VPS13B: variants seen among roughly 807,000 people sequenced by gnomAD.
VPS13B encodes the protein intermembrane lipid transfer protein VPS13B.
Under a neutral mutation model 426.4 loss-of-function variants are expected in VPS13B, and 285 were observed. The observed-to-expected ratio is 0.67, with a 90% CI of 0.61 to 0.74. The LOEUF (loss-of-function observed/expected upper bound fraction) is 0.74. Ranked by LOEUF, VPS13B falls within the 30% of genes least tolerant of loss-of-function variation. VPS13B has a pLI of 0.00. For missense variants in VPS13B, 4,537 were observed against 4,782.6 expected, an observed-to-expected ratio of 0.95 and a Z score of 1.51; for synonymous variants, 1,676 against 1,676.4, an observed-to-expected ratio of 1.00 and a Z score of 0.01.
chr8:99,876,513 A>G lies in VPS13B; in HGVS notation c.*847A>G, dbSNP rs1317218650. ...GGTGAGTTTCTCTAGTTCCATAAAC[A>G]AAACATACATAGTGGGAACTCCCTG... On this transcript the variant is annotated 3_prime_UTR_variant, in exon 62 of 62. Transcript: ENST00000357162. The G allele has an allele frequency of 6.6e-6, 1 of 152,270 alleles. No homozygotes were observed. The highest frequency in any genetic ancestry group is 1.9e-4 in the East Asian group (1 of 5,204). 9.4% of individuals were successfully genotyped at this position (152,270 alleles called of 1,614,324 possible). A position where few individuals can be genotyped will look rare whatever the true frequency, so the allele number is the denominator to read the frequency against.
At chr8:99,095,576 A>G (rs1846373450) in intron 3 of VPS13B, among the ~76,000 whole-genome samples, 1 of 152,334 alleles carries the variant, frequency 6.6e-6, no homozygotes. Flanking sequence ...CATGTGTTCG[A>G]TAGATTCTGA....
At chr8:99,697,744 C>G (rs1035324668) in intron 35 of VPS13B, 1 of 624,062 alleles carries the variant, frequency 1.6e-6, no homozygotes, top group Non-Finnish European at 3.0e-6. Context: ...AGGGCGCGCC[C>G]GTAGGGGAGA....
At chr8:99,600,421 C>T (rs1049592168) in intron 33 of VPS13B, among the ~76,000 whole-genome samples, 1 of 152,042 alleles carries the variant, frequency 6.6e-6, no homozygotes, top group African/African-American at 2.4e-5. Flanking sequence ...TGTGGGTGTT[C>T]TTAGGGTCAG....
At chr8:99,184,270 A>G (rs1813096682) in intron 16 of VPS13B, among the ~76,000 whole-genome samples, 1 of 152,164 alleles carries the variant, frequency 6.6e-6, no homozygotes, top group South Asian at 2.1e-4. Context: ...TAGTAAATTT[A>G]TGTTTAACTT....
rs1817743835 is a variant in VPS13B at position 99,877,440 on chromosome 8, A to C, written c.*1774A>C. Reference sequence around the variant, plus strand: ...TGTCCTTGAATTACTGACCACCCATAGATGTCTACTGTTACCAGGTTTTAC... The same window carrying C: ...TGTCCTTGAATTACTGACCACCCATCGATGTCTACTGTTACCAGGTTTTAC... On this transcript the variant is annotated 3_prime_UTR_variant, in exon 62 of 62. Coordinates refer to ENST00000357162, the MANE Select transcript of VPS13B (RefSeq NM_152564.5). 2 of 152,640 alleles carry C rather than the reference A, an allele frequency of 1.3e-5. No homozygotes were observed. The highest frequency in any genetic ancestry group is 4.8e-5 in the African/African-American group (2 of 41,446). 9.5% of individuals were successfully genotyped at this position (152,640 alleles called of 1,614,324 possible).
chr8:99,388,047 C>T (rs1036406850), intron 20 of VPS13B, among the ~76,000 whole-genome samples: 1 of 152,140 alleles, frequency 6.6e-6, no homozygotes, highest in Non-Finnish European at 1.5e-5. Flanking sequence ...CAGGATATAA[C>T]ATTTATTAAA....
At chr8:99,408,213 T>C (rs1815435741) in intron 21 of VPS13B, among the ~76,000 whole-genome samples, 1 of 152,182 alleles carries the variant, frequency 6.6e-6, no homozygotes, top group South Asian at 2.1e-4. Flanking sequence ...CTTTTTTGGC[T>C]ATTTTACCAA....
intron 16 of VPS13B, among the ~76,000 whole-genome samples, chr8:99,188,097 A>G (rs1029160755): frequency 8.5e-5 from 9 of 106,258 alleles, no homozygotes; most frequent in African/African-American, 1.7e-4. Flanking sequence ...TTGGTATTTG[A>G]ATCAGTTTTG....
chr8:99,275,948 G>A (rs1818872293), intron 19 of VPS13B, among the ~76,000 whole-genome samples: 1 of 152,152 alleles, frequency 6.6e-6, no homozygotes, highest in Non-Finnish European at 1.5e-5. Context: ...ATAGACATTT[G>A]TTTTAAAAGA....
At chr8:99,410,710 C>G (rs576337211) in intron 21 of VPS13B, among the ~76,000 whole-genome samples, 13 of 152,194 alleles carry the variant, frequency 8.5e-5, no homozygotes, top group South Asian at 2.1e-4. Context: ...TTATCCCTCC[C>G]CTAGCCTCCC....
intron 4 of VPS13B, 72 bp from the exon 5 acceptor site, chr8:99,102,881 A>G: frequency 7.2e-7 from 1 of 1,390,234 alleles, no homozygotes; most frequent in Non-Finnish European, 1.0e-6. Context: ...CATTAAGTTC[A>G]ATAACACTTT....
intron 3 of VPS13B, among the ~76,000 whole-genome samples, chr8:99,038,844 G>A (rs1027489567): frequency 2.0e-5 from 3 of 151,466 alleles, no homozygotes; most frequent in Non-Finnish European, 2.9e-5. Flanking sequence ...GCGCCACCAC[G>A]CCCAGCTAAT....
At chr8:99,765,141 G>A (rs1397765342) in intron 39 of VPS13B, among the ~76,000 whole-genome samples, 2 of 152,150 alleles carry the variant, frequency 1.3e-5, no homozygotes, top group Non-Finnish European at 2.9e-5. Context: ...AGCTACTCGG[G>A]AAGCTGAGGT....
chr8:99,473,349 G>A (rs1819514142), intron 24 of VPS13B, among the ~76,000 whole-genome samples: 1 of 151,966 alleles, frequency 6.6e-6, no homozygotes, highest in African/African-American at 2.4e-5. Context: ...AAAAATGCAA[G>A]TTTGGTTTAA....
At chr8:99,664,950 C>G (rs1304986214) in intron 35 of VPS13B, among the ~76,000 whole-genome samples, 1 of 152,156 alleles carries the variant, frequency 6.6e-6, no homozygotes, top group African/African-American at 2.4e-5. Flanking sequence ...TAAAACTGTT[C>G]CTATTTCTCC....
At chr8:99,408,800 T>C (rs573843594) in intron 21 of VPS13B, among the ~76,000 whole-genome samples, 1 of 152,156 alleles carries the variant, frequency 6.6e-6, no homozygotes, top group Admixed American at 6.6e-5. Flanking sequence ...ATGCCAGCAT[T>C]TTGTGGTCTG....
chr8:99,440,196 A>G (rs557554472), intron 22 of VPS13B, among the ~76,000 whole-genome samples: 30 of 152,266 alleles, frequency 2.0e-4, no homozygotes, highest in African/African-American at 6.0e-4. Context: ...TGCCATGGAA[A>G]AATGAAGTAA....
At chr8:99,416,856 C>G (rs1163579415) in intron 21 of VPS13B, among the ~76,000 whole-genome samples, 3 of 152,186 alleles carry the variant, frequency 2.0e-5, no homozygotes, top group Admixed American at 6.5e-5. Context: ...CTGTGCTGTT[C>G]CTATTCGGCC....
chr8:99,518,176 C>A (rs552439294), intron 29 of VPS13B, among the ~76,000 whole-genome samples: 1 of 152,170 alleles, frequency 6.6e-6, no homozygotes, highest in South Asian at 2.1e-4. Context: ...TGCAATGTTT[C>A]TATTACATTT....
Sources: allele counts gnomAD v4.1 joint callset (sites outside exome capture counted in the v4.1 genomes callset), GRCh38; gene constraint gnomAD v4.1.1; transcripts MANE v1.5; gene names NCBI Gene and HGNC (gene_info 2026-07-23, HGNC 2026-07-21).